The following TBC1D30 variants were observed in gnomAD, a reference collection of about 807,000 sequenced individuals.
TBC1D30 encodes the protein TBC1 domain family member 30, also known as TBC1 domain family, member 30.
In TBC1D30, 31 loss-of-function variants were observed where a neutral mutation model predicts 63.2. That is an observed-to-expected ratio of 0.49 (90% CI 0.37 to 0.66). TBC1D30 has a LOEUF of 0.66. Ranked by LOEUF, TBC1D30 falls within the 30% of genes least tolerant of loss-of-function variation. The probability of loss-of-function intolerance (pLI) is 0.00; values close to 1 mark genes in which losing one functional copy is unlikely to be tolerated. For missense variants in TBC1D30, 810 were observed against 953.6 expected, an observed-to-expected ratio of 0.85 and a Z score of 1.98; for synonymous variants, 307 against 361.5, an observed-to-expected ratio of 0.85 and a Z score of 1.71.
intron 1 of TBC1D30, 41 bp downstream of exon 1, chr12:64,825,074 C>T: frequency 6.6e-7 from 1 of 1,507,972 alleles, no homozygotes; most frequent in South Asian, 1.2e-5. Flanking sequence ...TGTAAAGTAG[C>T]GCCGGGGCTG....
At chr12:64,778,509 A>G (rs935974221), upstream of TBC1D30, among the ~76,000 whole-genome samples, 11 of 149,684 alleles carry the variant, frequency 7.3e-5, no homozygotes, top group Non-Finnish European at 5.9e-5. Context: ...GGGAGCTGCA[A>G]TGTCAAATAG....
intron 1 of TBC1D30, among the ~76,000 whole-genome samples, chr12:64,771,515 G>C (rs1456395886): frequency 2.6e-5 from 4 of 152,068 alleles, no homozygotes; most frequent in African/African-American, 9.7e-5. Context: ...AGCAGGACCA[G>C]AGGGCAACAA....
rs1565699970 is a variant in TBC1D30 at position 64,879,108 on chromosome 12, T to C, written c.*3320T>C. 1 of 152,556 alleles carries C rather than the reference T, an allele frequency of 6.6e-6. No homozygotes were observed. The highest frequency in any genetic ancestry group is 1.5e-5 in the Non-Finnish European group (1 of 68,322). The allele number at this position is 152,556 out of a possible 1,614,324, so 9.5% of individuals were successfully genotyped here. On this transcript the variant is annotated 3_prime_UTR_variant, in exon 12 of 12. Transcript: ENST00000539867. ...AGAAAAGTCACAGGTTTTAGAAAAT[T>C]GGGAAAACAAAAAGAGCATAAAGAA...
At chr12:64,765,016 A>C (rs906087736) in intron 1 of TBC1D30, among the ~76,000 whole-genome samples, 1 of 152,226 alleles carries the variant, frequency 6.6e-6, no homozygotes. Flanking sequence ...CTAAACTATC[A>C]TGAGTAAAAA....
chr12:64,824,772 C>T lies in TBC1D30; in HGVS notation c.-108C>T. On this transcript the variant is annotated 5_prime_UTR_variant, in exon 1 of 12. Coordinates refer to ENST00000539867, the MANE Select transcript of TBC1D30 (RefSeq NM_015279.2). ...CTGTGCGCTCCCTGCTCCCACGGGCCGGTCAGCCGCAGACACTCACCCAGC... is the reference window on the plus strand; with the variant it reads ...CTGTGCGCTCCCTGCTCCCACGGGCTGGTCAGCCGCAGACACTCACCCAGC... 3.6e-6 allele frequency: 5 copies of T among 1,399,454 alleles called. No homozygotes were observed. The highest frequency in any genetic ancestry group is 2.9e-5 in the South Asian group (2 of 68,594). 86.7% of individuals were successfully genotyped at this position (1,399,454 alleles called of 1,614,324 possible). A position where few individuals can be genotyped will look rare whatever the true frequency, so the allele number is the denominator to read the frequency against.
At chr12:64,815,082 T>G (rs1873443764) in intron 2 of TBC1D30, among the ~76,000 whole-genome samples, 1 of 152,244 alleles carries the variant, frequency 6.6e-6, no homozygotes, top group African/African-American at 2.4e-5. Flanking sequence ...TTGAAATCCC[T>G]TTACGTTCAC....
intron 6 of TBC1D30, among the ~76,000 whole-genome samples, chr12:64,837,052 A>G (rs1875430089): frequency 6.6e-6 from 1 of 152,222 alleles, no homozygotes; most frequent in Non-Finnish European, 1.5e-5. Context: ...CATTGAGATT[A>G]TGAAAGAGTA....
Position 64,824,847 on chromosome 12 carries a change from C to A in TBC1D30, c.-33C>A. ...GTGGGGTAGCGGGGACCGAGACGGACGGTAGCCGTGCCAGAGCCCGGGGCG... is the reference window on the plus strand; with the variant it reads ...GTGGGGTAGCGGGGACCGAGACGGAAGGTAGCCGTGCCAGAGCCCGGGGCG... On this transcript the variant is annotated 5_prime_UTR_variant, in exon 1 of 12. Transcript: ENST00000539867. 1 of 1,528,734 alleles carries A rather than the reference C, an allele frequency of 6.5e-7. No individual in the cohort carries two copies. The allele number at this position is 1,528,734 out of a possible 1,614,324, so 94.7% of individuals were successfully genotyped here. A position where few individuals can be genotyped will look rare whatever the true frequency, so the allele number is the denominator to read the frequency against.
At chr12:64,777,563 T>G (rs182425327), upstream of TBC1D30, among the ~76,000 whole-genome samples, 2 of 152,026 alleles carry the variant, frequency 1.3e-5, no homozygotes, top group Non-Finnish European at 2.9e-5. Context: ...AGGTAAAAGA[T>G]CTCTACAAGG....
chr12:64,794,064 A>T (rs1021444643), intron 2 of TBC1D30, among the ~76,000 whole-genome samples: 2 of 152,216 alleles, frequency 1.3e-5, no homozygotes, highest in African/African-American at 4.8e-5. Context: ...GCTTTGATCG[A>T]CTATTCTATA....
intron 2 of TBC1D30, among the ~76,000 whole-genome samples, chr12:64,802,997 T>C (rs1478767893): frequency 1.3e-5 from 2 of 152,248 alleles, no homozygotes; most frequent in Admixed American, 1.3e-4. Context: ...TTTATAATCC[T>C]ATGGGTATAT....
At chr12:64,791,680 T>TTG (rs58531661) in intron 2 of TBC1D30, among the ~76,000 whole-genome samples, 10,302 of 150,276 alleles carry the variant, frequency 0.069, 943 homozygotes, top group African/African-American at 0.21. Flanking sequence ...CCTGGCTAAT[T>TTG]TGTGTGTGTG....
chr12:64,837,569 G>A (rs1875477814), intron 6 of TBC1D30, among the ~76,000 whole-genome samples: 1 of 152,068 alleles, frequency 6.6e-6, no homozygotes, highest in Non-Finnish European at 1.5e-5. Flanking sequence ...CTGATAGGAG[G>A]CAGAGCTCAG....
chr12:64,845,370 A>T (rs374223576), intron 8 of TBC1D30, among the ~76,000 whole-genome samples: 4 of 152,124 alleles, frequency 2.6e-5, no homozygotes, highest in South Asian at 4.2e-4. Context: ...ATGATCAGTG[A>T]TTTTCTGTCC....
intron 1 of TBC1D30, among the ~76,000 whole-genome samples, chr12:64,825,791 C>T (rs1194450170): frequency 6.6e-6 from 1 of 152,222 alleles, no homozygotes; most frequent in Non-Finnish European, 1.5e-5. Flanking sequence ...GGAGTGGCTG[C>T]AGAGGGAGTT....
chr12:64,842,534 G>A (rs187885041), intron 7 of TBC1D30, among the ~76,000 whole-genome samples: 43 of 152,282 alleles, frequency 2.8e-4, no homozygotes, highest in Admixed American at 2.5e-3. Context: ...AAGAAGAGGT[G>A]TAATCTCCAA....
intron 1 of TBC1D30, among the ~76,000 whole-genome samples, chr12:64,781,691 C>CTTTTT (rs34191075): frequency 6.9e-6 from 1 of 145,136 alleles, no homozygotes; most frequent in Non-Finnish European, 1.5e-5. Flanking sequence ...CTGTTCTTTC[C>CTTTTT]TTTTTTTTTT....
intron 2 of TBC1D30, among the ~76,000 whole-genome samples, chr12:64,807,772 G>A (rs921558034): frequency 1.3e-5 from 2 of 151,938 alleles, no homozygotes; most frequent in Non-Finnish European, 2.9e-5. Flanking sequence ...TAGAGACAGG[G>A]TCTTTCTCTG....
At position 64,880,566 on chromosome 12, in the gene TBC1D30, A is replaced by T. The variant is rs985983394; in HGVS notation, c.*4778A>T. ...TTCTGATAAGGGCACTAACCTCATCATGAGGGTCCCATCCTCCTGGTGTCA... is the reference window on the plus strand; with the variant it reads ...TTCTGATAAGGGCACTAACCTCATCTTGAGGGTCCCATCCTCCTGGTGTCA... On this transcript the variant is annotated 3_prime_UTR_variant, in exon 12 of 12. Transcript: ENST00000539867. The T allele has an allele frequency of 9.2e-5, 14 of 152,254 alleles. No individual in the cohort carries two copies. Among genetic ancestry groups the T allele is most frequent in the Non-Finnish European group, 2.9e-5 (2 of 68,060 alleles). 9.4% of individuals were successfully genotyped at this position (152,254 alleles called of 1,614,324 possible). A position where few individuals can be genotyped will look rare whatever the true frequency, so the allele number is the denominator to read the frequency against.
Sources: allele counts gnomAD v4.1 joint callset (sites outside exome capture counted in the v4.1 genomes callset), GRCh38; gene constraint gnomAD v4.1.1; transcripts MANE v1.5; gene names NCBI Gene and HGNC (gene_info 2026-07-23, HGNC 2026-07-21).